Variants in OC90 observed in about 807,000 individuals in gnomAD.
OC90 encodes the protein otoconin 90.
OC90 carries 46 observed loss-of-function variants against 47.3 expected under a neutral mutation model. That is an observed-to-expected ratio of 0.97 (90% CI 0.77 to 1.24). OC90 has a LOEUF of 1.24. Ranked by LOEUF, OC90 falls within the 50% of genes most tolerant of loss-of-function variation. OC90 has a pLI of 0.00. For missense variants in OC90, 688 were observed against 583.9 expected, an observed-to-expected ratio of 1.18 and a Z score of -1.84; for synonymous variants, 271 against 219.5, an observed-to-expected ratio of 1.23 and a Z score of -2.07.
chr8:132,032,661 C>T (rs1246085431), intron 11 of OC90, among the ~76,000 whole-genome samples: 1 of 152,180 alleles, frequency 6.6e-6, no homozygotes, highest in Admixed American at 6.5e-5. Context: ...GGTGCAGGGG[C>T]TTTTTTAAGG....
At chr8:132,053,908 G>A (rs1823248352) in intron 2 of OC90, among the ~76,000 whole-genome samples, 1 of 152,194 alleles carries the variant, frequency 6.6e-6, no homozygotes, top group African/African-American at 2.4e-5. Context: ...TGTGTTGAGG[G>A]AGCCAACATG....
chr8:132,038,904 G>C (rs1371737996), intron 7 of OC90, 73 bp from the exon 8 acceptor site: 2 of 1,597,136 alleles, frequency 1.3e-6, no homozygotes, highest in Non-Finnish European at 1.7e-6. Flanking sequence ...TGCTGGACTT[G>C]GCATCTAGAG....
At chr8:132,040,452 G>A (rs1263634724) in intron 6 of OC90, among the ~76,000 whole-genome samples, 1 of 152,156 alleles carries the variant, frequency 6.6e-6, no homozygotes, top group Non-Finnish European at 1.5e-5. Flanking sequence ...TGCCAGGGTT[G>A]CCTAGAGACA....
At chr8:132,035,541 G>A (rs927288516) in intron 9 of OC90, among the ~76,000 whole-genome samples, 8 of 152,328 alleles carry the variant, frequency 5.3e-5, no homozygotes, top group African/African-American at 1.9e-4. Context: ...AAATGTTAGA[G>A]ATGGTGACTA....
rs1823102829 is a variant in OC90, at chr8:132,044,423, CT to C, written c.169+9del. ...TCTGGTGGATAAAAGCAATTTTAGACTTAACTTACCAAAAATTTCAGCCACA... is the reference window on the plus strand; with the variant it reads ...TCTGGTGGATAAAAGCAATTTTAGACTAACTTACCAAAAATTTCAGCCACA... On this transcript the variant is annotated intron_variant, in intron 4 of 13. Transcript: ENST00000254627. 6.7e-7 allele frequency: 1 copy of C among 1,499,206 alleles called. No individual in the cohort carries two copies. The highest frequency in any genetic ancestry group is 9.1e-7 in the Non-Finnish European group (1 of 1,094,456). The allele number at this position is 1,499,206 out of a possible 1,614,324, so 92.9% of individuals were successfully genotyped here. A position where few individuals can be genotyped will look rare whatever the true frequency, so the allele number is the denominator to read the frequency against.
At chr8:132,028,164 A>G (rs1453103169) in intron 13 of OC90, among the ~76,000 whole-genome samples, 1 of 152,134 alleles carries the variant, frequency 6.6e-6, no homozygotes, top group African/African-American at 2.4e-5. Context: ...TTGACAGTGA[A>G]TCTCCTCATC....
Position 132,045,898 on chromosome 8 carries a change from G to C in OC90, c.47-15C>G. ...AGGATGGCCTCCTATAAATAAGGAA[G>C]AGAAAGTAGGGTAAGCACAAACACT... On this transcript the variant is annotated splice_polypyrimidine_tract_variant and intron_variant, in intron 2 of 13. Coordinates refer to ENST00000254627, the MANE Select transcript of OC90 (RefSeq NM_001080399.3). 6.8e-7 allele frequency: 1 copy of C among 1,477,714 alleles called. No homozygotes were observed. Among genetic ancestry groups the C allele is most frequent in the Non-Finnish European group, 9.3e-7 (1 of 1,079,836 alleles). 91.5% of individuals were successfully genotyped at this position (1,477,714 alleles called of 1,614,324 possible).
At chr8:132,030,131 C>A (rs969650833) in intron 12 of OC90, among the ~76,000 whole-genome samples, 12 of 152,190 alleles carry the variant, frequency 7.9e-5, no homozygotes, top group African/African-American at 2.7e-4. Context: ...AAGAGACACA[C>A]AATCTTGTGT....
Position 132,045,852 on chromosome 8 carries a change from T to A in OC90, c.78A>T (p.Pro26=), listed in dbSNP as rs949091190. ...GGHPLDTPHL[P]QELPPGLPNN... is the part of the protein sequence containing the mutation. ...TTGGGAGTCCTGGAGGCAGCTCCTGTGGAAGATGTGGAGTGTCCAGAGGAT... is the reference window on the plus strand; with the variant it reads ...TTGGGAGTCCTGGAGGCAGCTCCTGAGGAAGATGTGGAGTGTCCAGAGGAT... Residue 26 remains proline (P), a synonymous_variant, in exon 3 of 14, where the codon CCA becomes CCT. Transcript: ENST00000254627. 3.9e-6 allele frequency: 6 copies of A among 1,546,396 alleles called. No individual in the cohort carries two copies. The African/African-American group carries it at 8.2e-5, about 21-fold the overall frequency.
chr8:132,035,446 C>T (rs1000409110), intron 9 of OC90, among the ~76,000 whole-genome samples: 1 of 152,104 alleles, frequency 6.6e-6, no homozygotes, highest in Non-Finnish European at 1.5e-5. Flanking sequence ...AGCTAGGAGG[C>T]GGCTGCAAAC....
At chr8:132,028,641 AG>A (rs1385415509) in intron 13 of OC90, among the ~76,000 whole-genome samples, 2 of 110,842 alleles carry the variant, frequency 1.8e-5, no homozygotes, top group African/African-American at 6.6e-5. Context: ...AAGGAAAGAA[AG>A]GAAGGAAGGA....
Position 132,029,073 on chromosome 8 carries a change from A to T in OC90, c.1138T>A (p.Cys380Ser). Residue 380 changes from cysteine to serine, a missense_variant and splice_region_variant, in exon 13 of 14, where the codon TGT becomes AGT. Coordinates refer to ENST00000254627, the MANE Select transcript of OC90 (RefSeq NM_001080399.3). The stretch of plus-strand genomic sequence containing the variant: ...TCAATGTGCAACCAACAGCACTTAC[A>T]CTTGGGCGTATGATCCACACACACC... ...PVVCVDHTPK[C>S]GGQSLCEKLL... is the part of the protein sequence containing the mutation. 6.2e-7 allele frequency: 1 copy of T among 1,607,848 alleles called. No homozygotes were observed. The highest frequency in any genetic ancestry group is 8.5e-7 in the Non-Finnish European group (1 of 1,174,286).
chr8:132,031,012 C>T (rs1822866029), intron 12 of OC90, among the ~76,000 whole-genome samples: 1 of 152,168 alleles, frequency 6.6e-6, no homozygotes, highest in Non-Finnish European at 1.5e-5. Flanking sequence ...AGGACATGTG[C>T]CTTTTGAATG....
chr8:132,052,397 T>C (rs1027902047), intron 2 of OC90, among the ~76,000 whole-genome samples: 15 of 152,218 alleles, frequency 9.9e-5, no homozygotes, highest in African/African-American at 3.6e-4. Flanking sequence ...TCAGCAGCAA[T>C]AGTAAAATTT....
At chr8:132,048,374 G>C (rs1213811787) in intron 2 of OC90, among the ~76,000 whole-genome samples, 1 of 152,152 alleles carries the variant, frequency 6.6e-6, no homozygotes, top group Non-Finnish European at 1.5e-5. Flanking sequence ...CCAGGACCCA[G>C]GATCCACAGA....
At chr8:132,054,303 C>T (rs1470325458) in intron 2 of OC90, among the ~76,000 whole-genome samples, 1 of 152,212 alleles carries the variant, frequency 6.6e-6, no homozygotes. Context: ...TTCACCTCCC[C>T]TCTGCCCATC....
At chr8:132,029,573 G>A (rs1822842438) in intron 12 of OC90, among the ~76,000 whole-genome samples, 1 of 152,140 alleles carries the variant, frequency 6.6e-6, no homozygotes, top group Non-Finnish European at 1.5e-5. Context: ...TGGGCTAGCA[G>A]TAAGCTTACT....
intron 1 of OC90, among the ~76,000 whole-genome samples, chr8:132,055,284 A>G (rs528318599): frequency 6.6e-6 from 1 of 152,342 alleles, no homozygotes; most frequent in Admixed American, 6.5e-5. Context: ...ACCCATCTGT[A>G]AAATGGAAAT....
At chr8:132,028,581 AGGAAGGAAGGAAGGAAGGAG>A (rs879723781) in intron 13 of OC90, among the ~76,000 whole-genome samples, 39,577 of 92,250 alleles carry the variant, frequency 0.43, 7,664 homozygotes, top group East Asian at 0.57. Flanking sequence ...GAAGGAAGGA[AGGAAGGAAGGAAGGAAGGAG>A]GGAAGGAGGG....
Sources: allele counts gnomAD v4.1 joint callset (sites outside exome capture counted in the v4.1 genomes callset), GRCh38; gene constraint gnomAD v4.1.1; transcripts MANE v1.5; gene names NCBI Gene and HGNC (gene_info 2026-07-23, HGNC 2026-07-21).